Variants in ZNF665 observed in about 807,000 individuals in gnomAD.
ZNF665 encodes the protein zinc finger protein 665.
In ZNF665, 6 loss-of-function variants were observed where a neutral mutation model predicts 7.9. That is an observed-to-expected ratio of 0.76 (90% CI 0.42 to 1.50). ZNF665 has a LOEUF of 1.50. Ranked by LOEUF, ZNF665 falls within the 40% of genes most tolerant of loss-of-function variation. ZNF665 has a pLI of 0.01. For missense variants in ZNF665, 819 were observed against 806.7 expected, an observed-to-expected ratio of 1.02 and a Z score of -0.18; for synonymous variants, 242 against 274.5, an observed-to-expected ratio of 0.88 and a Z score of 1.17.
At position 53,165,878 on chromosome 19, in the gene ZNF665, C is replaced by A; in HGVS notation, c.612G>T (p.Lys204Asn). 1 of 1,613,892 alleles carries A rather than the reference C, an allele frequency of 6.2e-7. No homozygotes were observed. The highest frequency in any genetic ancestry group is 8.5e-7 in the Non-Finnish European group (1 of 1,179,918). Reference sequence around the variant, plus strand: ...TGCCACACTTATTACACTGGTAAGGCTTCTCTCCAGTATGAATTCTCTTAT... The same window carrying A: ...TGCCACACTTATTACACTGGTAAGGATTCTCTCCAGTATGAATTCTCTTAT... ...TSHKRIHTGE[K>N]PYQCNKCGKA... Residue 204 changes from lysine to asparagine, a missense_variant, in exon 4 of 4, where the codon AAG becomes AAT. Coordinates refer to ENST00000396424, the MANE Select transcript of ZNF665 (RefSeq NM_024733.5).
chr19:53,177,751 G>A (rs1015185439), intron 2 of ZNF665, among the ~76,000 whole-genome samples: 1 of 152,114 alleles, frequency 6.6e-6, no homozygotes, highest in Admixed American at 6.6e-5. Context: ...GAGAGCAATA[G>A]CAATGACAGG....
intron 1 of ZNF665, 103 bp from the exon 2 acceptor site, chr19:53,183,046 T>C (rs1264529452): frequency 8.0e-7 from 1 of 1,248,610 alleles, no homozygotes; most frequent in South Asian, 1.2e-5. Context: ...CATAACCTTA[T>C]ACACAGGGAA....
At chr19:53,184,025 G>T (rs2090758266) in intron 1 of ZNF665, among the ~76,000 whole-genome samples, 2 of 152,150 alleles carry the variant, frequency 1.3e-5, no homozygotes, top group African/African-American at 4.8e-5. Flanking sequence ...AGAGGTGGGT[G>T]GACTGCTTGA....
In ZNF665 at chr19:53,189,314, C is replaced by G. The variant is rs201441455; in HGVS notation, c.-46+3998G>C. The stretch of plus-strand genomic sequence containing the variant: ...AAAGAGATAAAAGAAAAGGCAGCTG[C>G]GCCCGGGGGACCACTACCACCAATG... On this transcript the variant is annotated intron_variant, in intron 1 of 3. Coordinates refer to ENST00000396424, the MANE Select transcript of ZNF665 (RefSeq NM_024733.5). Among the ~76,000 whole-genome samples, 32 of 151,890 alleles carry G rather than the reference C, an allele frequency of 2.1e-4. 1 individual carries two copies. Among genetic ancestry groups the G allele is most frequent in the Middle Eastern group, 3.4e-3 (1 of 294 alleles).
Position 53,167,592 on chromosome 19 carries a change from G to A in ZNF665, c.143-1245C>T, listed in dbSNP as rs866498794. Reference sequence around the variant, plus strand: ...CTCCCGAGTAGCTGGGACTACAGGCGCCCGCCACCGCGCCCGGCTAATTTT... The same window carrying A: ...CTCCCGAGTAGCTGGGACTACAGGCACCCGCCACCGCGCCCGGCTAATTTT... On this transcript the variant is annotated intron_variant, in intron 3 of 3. Transcript: ENST00000396424. Among the ~76,000 whole-genome samples, 521 of 150,606 alleles carry A rather than the reference G, an allele frequency of 3.5e-3. 4 individuals carry two copies. The highest frequency in any genetic ancestry group is 0.012 in the African/African-American group (500 of 41,174).
intron 3 of ZNF665, among the ~76,000 whole-genome samples, chr19:53,168,870 G>A (rs2090637173): frequency 1.3e-5 from 2 of 152,070 alleles, no homozygotes; most frequent in South Asian, 4.1e-4. Context: ...AAAAAATGGT[G>A]CTGAAACAAT....
At chr19:53,173,340 C>T (rs1377434053) in intron 3 of ZNF665, among the ~76,000 whole-genome samples, 1 of 144,814 alleles carries the variant, frequency 6.9e-6, no homozygotes, top group East Asian at 2.0e-4. Flanking sequence ...CAAAAGGCAA[C>T]TGGCCATATA....
intron 2 of ZNF665, among the ~76,000 whole-genome samples, chr19:53,178,065 T>C (rs960268650): frequency 1.3e-5 from 2 of 152,182 alleles, no homozygotes; most frequent in Non-Finnish European, 2.9e-5. Flanking sequence ...AGTAGGCGGT[T>C]TGGAATGCTA....
At chr19:53,171,282 G>A (rs2090654943) in intron 3 of ZNF665, among the ~76,000 whole-genome samples, 1 of 151,554 alleles carries the variant, frequency 6.6e-6, no homozygotes, top group Non-Finnish European at 1.5e-5. Flanking sequence ...CACCGCATGC[G>A]GCAAGAGATC....
At chr19:53,168,574 A>G (rs146111397) in intron 3 of ZNF665, among the ~76,000 whole-genome samples, 188 of 152,322 alleles carry the variant, frequency 1.2e-3, no homozygotes, top group East Asian at 6.6e-3. Context: ...AAATTCCAGC[A>G]TGTATTTTTT....
At chr19:53,183,144 G>A (rs1599883361) in intron 1 of ZNF665, among the ~76,000 whole-genome samples, 1 of 152,130 alleles carries the variant, frequency 6.6e-6, no homozygotes, top group East Asian at 1.9e-4. Flanking sequence ...AAAAACAAGT[G>A]AGTTTCTGAC....
At position 53,164,507 on chromosome 19, in the gene ZNF665, C is replaced by G. The variant is rs766984822; in HGVS notation, c.1983G>C (p.Lys661Asn). ...CAAGGTTTGAATTTTGAGTAAAGACCTTGCCACATTGGTTACATTTGTAAG... is the reference window on the plus strand; with the variant it reads ...CAAGGTTTGAATTTTGAGTAAAGACGTTGCCACATTGGTTACATTTGTAAG... Reference protein sequence around the residue: ...DKPYKCNQCGKVFTQNSNLAK... With the variant: ...DKPYKCNQCGNVFTQNSNLAK... Residue 661 changes from lysine (K) to asparagine (N), a missense_variant, in exon 4 of 4, where the codon AAG (lysine) becomes AAC (asparagine). Transcript: ENST00000396424. 10 of 1,610,058 alleles carry G rather than the reference C, an allele frequency of 6.2e-6. No homozygotes were observed. Among genetic ancestry groups the G allele is most frequent in the Non-Finnish European group, 8.5e-6 (10 of 1,178,466 alleles).
chr19:53,192,499 C>T (rs1221514325), intron 1 of ZNF665, among the ~76,000 whole-genome samples: 1 of 152,196 alleles, frequency 6.6e-6, no homozygotes, highest in Non-Finnish European at 1.5e-5. Context: ...CCAGTTGTTT[C>T]TCCATCCTGT....
At chr19:53,174,604 A>T (rs566472964) in intron 3 of ZNF665, among the ~76,000 whole-genome samples, 2 of 152,070 alleles carry the variant, frequency 1.3e-5, no homozygotes, top group Non-Finnish European at 2.9e-5. Context: ...TGTTCCAACA[A>T]GGAGATAATA....
chr19:53,165,624 G>T lies in ZNF665; in HGVS notation c.866C>A (p.Pro289His). ...THQVIHTGEK[P>H]YKCKECGKCF... is the part of the protein sequence containing the mutation. ...CTTGCCACATTCCTTACATTTGTAA[G>T]GTTTTTCTCCAGTATGGATGACCTG... The change falls in exon 4 of 4, where the codon CCT becomes CAT. Residue 289 changes from proline (P) to histidine (H), a missense_variant. Transcript: ENST00000396424. 1 of 1,613,908 alleles carries T rather than the reference G, an allele frequency of 6.2e-7. No individual in the cohort carries two copies. The highest frequency in any genetic ancestry group is 8.5e-7 in the Non-Finnish European group (1 of 1,179,982).
rs35735454 is a variant in ZNF665 at position 53,164,133 on chromosome 19, C to CTTTTTTT, written c.*313_*319dup. The CTTTTTTT allele has an allele frequency of 9.6e-6, 1 of 104,640 alleles. No homozygotes were observed. The highest frequency in any genetic ancestry group is 1.9e-5 in the Non-Finnish European group (1 of 51,358). 6.5% of individuals were successfully genotyped at this position (104,640 alleles called of 1,614,324 possible). A position where few individuals can be genotyped will look rare whatever the true frequency, so the allele number is the denominator to read the frequency against. ...CTGGCCGCACTCCTTTGTAAGGTTA[C>CTTTTTTT]TTTTTTTTTTTTTTTTTTTTTGGAG... On this transcript the variant is annotated 3_prime_UTR_variant, in exon 4 of 4. Transcript: ENST00000396424.
intron 2 of ZNF665, among the ~76,000 whole-genome samples, chr19:53,175,968 C>T (rs1285380616): frequency 1.3e-5 from 2 of 152,112 alleles, no homozygotes; most frequent in Non-Finnish European, 2.9e-5. Context: ...TGAGACAAGC[C>T]TGGCCAACAC....
chr19:53,164,654 A>G lies in ZNF665; in HGVS notation c.1836T>C (p.His612=), dbSNP rs753385949. The G allele has an allele frequency of 1.1e-5, 17 of 1,612,260 alleles. No individual in the cohort carries two copies. The highest frequency in any genetic ancestry group is 1.4e-5 in the Non-Finnish European group (17 of 1,178,762). Residue 612 remains histidine, a synonymous_variant, in exon 4 of 4, where the codon CAT becomes CAC. Transcript: ENST00000396424. The part of the protein sequence containing the change: ...ECGKVFTQNS[H]LANHRRIHTG... ...TGTGAATTCTTCTATGATTTGCAAGATGTGAATTTTGAGTGAAGACCTTGC... is the reference window on the plus strand; with the variant it reads ...TGTGAATTCTTCTATGATTTGCAAGGTGTGAATTTTGAGTGAAGACCTTGC...
intron 2 of ZNF665, among the ~76,000 whole-genome samples, chr19:53,180,198 C>T (rs893506517): frequency 4.0e-5 from 6 of 151,898 alleles, no homozygotes; most frequent in South Asian, 4.2e-4. Context: ...TTTGGGAGGC[C>T]GAGTTAGATG....
Sources: gnomAD v4.1 joint callset for allele counts (sites outside exome capture counted in the v4.1 genomes callset) on GRCh38, gnomAD v4.1.1 for gene constraint, MANE v1.5 for transcripts, NCBI Gene and HGNC (gene_info 2026-07-23, HGNC 2026-07-21) for gene names.